The following SH3BP5L variants were observed in gnomAD, a reference collection of about 807,000 sequenced individuals.
The protein encoded by SH3BP5L is SH3 binding domain protein 5 like, also known as SH3 domain-binding protein 5-like.
SH3BP5L carries 16 observed loss-of-function variants against 40.9 expected under a neutral mutation model. That is an observed-to-expected ratio of 0.39 (90% CI 0.27 to 0.59). The LOEUF is 0.59. SH3BP5L is among the 20% of genes least tolerant of loss of function. SH3BP5L has a pLI of 0.53. For synonymous variants in SH3BP5L, 229 were observed against 226.7 expected (o/e 1.01, Z -0.09); for missense variants, 471 against 544.6 (o/e 0.86, Z 1.35).
At chr1:248,822,658 G>A (rs1316638908) in intron 2 of SH3BP5L, among the ~76,000 whole-genome samples, 3 of 150,906 alleles carry the variant, frequency 2.0e-5, no homozygotes, top group Non-Finnish European at 4.4e-5. Flanking sequence ...TAACATTGAG[G>A]AACTGCTTTT....
intron 4 of SH3BP5L, chr1:248,814,952 A>G (rs1224959158): frequency 1.0e-5 from 4 of 389,022 alleles, no homozygotes; most frequent in Non-Finnish European, 2.0e-5. Flanking sequence ...CTTACAGAAA[A>G]GATGACCTTG....
intron 2 of SH3BP5L, among the ~76,000 whole-genome samples, chr1:248,818,823 A>G (rs1484868602): frequency 6.6e-6 from 1 of 152,252 alleles, no homozygotes; most frequent in Non-Finnish European, 1.5e-5. Context: ...TTGTGCCAGG[A>G]AATACCTGGT....
At chr1:248,819,053 G>A (rs1003561844) in intron 2 of SH3BP5L, among the ~76,000 whole-genome samples, 9 of 152,266 alleles carry the variant, frequency 5.9e-5, no homozygotes, top group African/African-American at 2.2e-4. Context: ...AGGCTGACAT[G>A]CACAATCTTC....
Position 248,825,881 on chromosome 1 carries a change from T to TTGC in SH3BP5L, c.-479_-478insGCA. 1.1e-6 allele frequency: 1 copy of TTGC among 941,904 alleles called. No individual in the cohort carries two copies. The highest frequency in any genetic ancestry group is 1.3e-6 in the Non-Finnish European group (1 of 794,252). 58.3% of individuals were successfully genotyped at this position (941,904 alleles called of 1,614,324 possible). On this transcript the variant is annotated 5_prime_UTR_variant, in exon 1 of 7. Coordinates refer to ENST00000366472, the MANE Select transcript of SH3BP5L (RefSeq NM_030645.3). Reference sequence around the variant, plus strand: ...CGGAGCTTCTATGCTGCAAACAATCTCCCCCCCTCCCTCCCCGCAACAAGC... The same window carrying TTGC: ...CGGAGCTTCTATGCTGCAAACAATCTTGCCCCCCCCTCCCTCCCCGCAACAAGC...
At chr1:248,815,673 C>T (rs542149123) in intron 4 of SH3BP5L, among the ~76,000 whole-genome samples, 2 of 152,358 alleles carry the variant, frequency 1.3e-5, no homozygotes, top group South Asian at 4.1e-4. Context: ...GCCGATATTT[C>T]CTCTGCCCTA....
Position 248,812,003 on chromosome 1 carries a change from T to A in SH3BP5L, c.1079A>T (p.His360Leu). 6.2e-7 allele frequency: 1 copy of A among 1,609,670 alleles called. No homozygotes were observed. Among genetic ancestry groups the A allele is most frequent in the Non-Finnish European group, 8.5e-7 (1 of 1,178,714 alleles). The change falls in exon 7 of 7, where the codon CAC (histidine) becomes CTC (leucine). Residue 360 changes from histidine (H) to leucine (L), a missense_variant. His to Leu is a moderately conservative substitution (Grantham distance 99). Transcript: ENST00000366472. The surrounding 1 kb of genome is among the most constrained non-coding windows in gnomAD (Gnocchi z 6.1). The stretch of plus-strand genomic sequence containing the variant: ...CAGCTCTTGGCCGTCCAGACTGACG[T>A]GGTCCGAGAGGCCTCGCAAGTGCTC... Reference protein sequence around the residue: ...SVEHLRGLSDHVSLDGQELGT... With the variant: ...SVEHLRGLSDLVSLDGQELGT...
In SH3BP5L at chr1:248,812,097, C is replaced by T. The variant is rs1218436366; in HGVS notation, c.985G>A (p.Asp329Asn). ...CTCAGCAGACTCAGGGTATCGGTGT[C>T]GGGGGCGGGGCCGGGCCCCAGGCTG... is the stretch of plus-strand genomic sequence containing the variant. ...GSSLGPGPAP[D>N]TDTLSLLSLR... is the part of the protein sequence containing the mutation. The change falls in exon 7 of 7, where the codon GAC (aspartate) becomes AAC (asparagine). Residue 329 changes from aspartate (D) to asparagine (N), a missense_variant. Physicochemically the swap from Asp to Asn is conservative, Grantham distance 23. This residue lies in a region of SH3BP5L where 196 missense variants were observed against 174.6 expected (regional missense o/e 1.12). Coordinates refer to ENST00000366472, the MANE Select transcript of SH3BP5L (RefSeq NM_030645.3). This position sits in a 1 kb window ranked among gnomAD's most constrained non-coding sequence, Gnocchi z 6.1. 2 of 1,611,440 alleles carry T rather than the reference C, an allele frequency of 1.2e-6. No homozygotes were observed. Among genetic ancestry groups the T allele is most frequent in the East Asian group, 2.2e-5 (1 of 44,788 alleles).
At chr1:248,813,217 T>C (rs772176517) in intron 5 of SH3BP5L, 55 bp from the exon 6 acceptor site, 1 of 1,432,122 alleles carries the variant, frequency 7.0e-7, no homozygotes, top group Non-Finnish European at 9.2e-7. Context: ...CTCTGGCATC[T>C]GCCCCAGGCT....
intron 2 of SH3BP5L, among the ~76,000 whole-genome samples, chr1:248,818,276 G>C (rs1486232263): frequency 3.4e-4 from 51 of 151,926 alleles, no homozygotes; most frequent in Admixed American, 3.3e-3. Context: ...TGAACCCGGG[G>C]GGCAGGGATT....
rs765435746 is a variant in SH3BP5L at position 248,816,854 on chromosome 1, C to T, written c.214G>A (p.Glu72Lys). Residue 72 changes from glutamate (E) to lysine (K), a missense_variant, in exon 3 of 7, where the codon GAG (glutamate) becomes AAG (lysine). Glu to Lys is a moderately conservative substitution (Grantham distance 56). Transcript: ENST00000366472. The part of the protein sequence containing the change: ...EELEHLNQAS[E>K]EINQVELQLD... ...TGTAGTTCCACCTGGTTGATCTCCTCGCTGGCCTGGTTCAGGTGCTCCAAC... is the reference window on the plus strand; with the variant it reads ...TGTAGTTCCACCTGGTTGATCTCCTTGCTGGCCTGGTTCAGGTGCTCCAAC... 2.5e-6 allele frequency: 4 copies of T among 1,614,190 alleles called. No homozygotes were observed. Among genetic ancestry groups the T allele is most frequent in the South Asian group, 1.1e-5 (1 of 91,086 alleles).
In SH3BP5L at chr1:248,812,857, A is replaced by G. The variant is rs1484394720; in HGVS notation, c.711+132T>C. The G allele has an allele frequency of 1.4e-6, 1 of 733,850 alleles. No individual in the cohort carries two copies. Among genetic ancestry groups the G allele is most frequent in the Non-Finnish European group, 2.1e-6 (1 of 466,490 alleles). 45.5% of individuals were successfully genotyped at this position (733,850 alleles called of 1,614,324 possible). ...GGTCATTTGGAACATGTGTGCCACCACCCTTCCCCACCGCTAGCCGGAGGC... is the reference window on the plus strand; with the variant it reads ...GGTCATTTGGAACATGTGTGCCACCGCCCTTCCCCACCGCTAGCCGGAGGC... On this transcript the variant is annotated intron_variant, in intron 6 of 6. Coordinates refer to ENST00000366472, the MANE Select transcript of SH3BP5L (RefSeq NM_030645.3). This position sits in a 1 kb window ranked among gnomAD's most constrained non-coding sequence, Gnocchi z 6.1.
chr1:248,816,702 T>G, intron 3 of SH3BP5L, 40 bp from the exon 4 acceptor site: 1 of 1,613,612 alleles, frequency 6.2e-7, no homozygotes, highest in Non-Finnish European at 8.5e-7. Context: ...CATGTTTGGG[T>G]CCCAGCCCCT....
rs1308195838 is a variant in SH3BP5L, at chr1:248,825,295, C to T, written c.-360G>A. 16 of 1,024,344 alleles carry T rather than the reference C, an allele frequency of 1.6e-5. No homozygotes were observed. Among genetic ancestry groups the T allele is most frequent in the Non-Finnish European group, 1.9e-5 (16 of 854,466 alleles). The allele number at this position is 1,024,344 out of a possible 1,614,324, so 63.5% of individuals were successfully genotyped here. On this transcript the variant is annotated 5_prime_UTR_variant, in exon 2 of 7. Coordinates refer to ENST00000366472, the MANE Select transcript of SH3BP5L (RefSeq NM_030645.3). ...TCGGGAGGGTGGAGGCAGGCGCCTCCAGGCTGTGGTGGCAGCTGGAGAGAG... is the reference window on the plus strand; with the variant it reads ...TCGGGAGGGTGGAGGCAGGCGCCTCTAGGCTGTGGTGGCAGCTGGAGAGAG...
intron 4 of SH3BP5L, chr1:248,816,156 C>G (rs1664099404): frequency 5.4e-6 from 1 of 183,568 alleles, no homozygotes; most frequent in African/African-American, 2.3e-5. Flanking sequence ...GAGGAGTAAG[C>G]AAAGAAAAGA....
chr1:248,818,553 A>G lies in SH3BP5L; in HGVS notation c.184-1669T>C, dbSNP rs937854148. Among the ~76,000 whole-genome samples the G allele has an allele frequency of 3.9e-5, 6 of 152,196 alleles. No homozygotes were observed. In the South Asian group the frequency reaches 6.2e-4, roughly 16 times the overall value. On this transcript the variant is annotated intron_variant, in intron 2 of 6. Transcript: ENST00000366472. ...TGGGTGACCATGACCGCAGGTCCCTATAGAGCAGATCCTGTGGGAGGGAGG... is the reference window on the plus strand; with the variant it reads ...TGGGTGACCATGACCGCAGGTCCCTGTAGAGCAGATCCTGTGGGAGGGAGG...
chr1:248,817,744 T>C (rs942730104), intron 2 of SH3BP5L, among the ~76,000 whole-genome samples: 1 of 152,060 alleles, frequency 6.6e-6, no homozygotes, highest in Non-Finnish European at 1.5e-5. Context: ...TCCCAGCTAC[T>C]TGGGAGGCTG....
At position 248,824,960 on chromosome 1, in the gene SH3BP5L, T is replaced by A; in HGVS notation, c.-25A>T. 7 of 1,601,716 alleles carry A rather than the reference T, an allele frequency of 4.4e-6. No homozygotes were observed. Among genetic ancestry groups the A allele is most frequent in the Non-Finnish European group, 6.0e-6 (7 of 1,175,096 alleles). ...TGCTGACAGGGGGAGGGCAGAGCCC[T>A]ATGCACAAGAGAGGACTGACATGCT... On this transcript the variant is annotated 5_prime_UTR_variant, in exon 2 of 7. The change abolishes the stop of an existing upstream ORF in the 5' untranslated region. Transcript: ENST00000366472.
At chr1:248,824,510 A>C (rs578061899) in intron 2 of SH3BP5L, among the ~76,000 whole-genome samples, 7 of 152,296 alleles carry the variant, frequency 4.6e-5, no homozygotes, top group African/African-American at 1.4e-4. Flanking sequence ...CCTTCAGTGA[A>C]GCTTTCAGCA....
intron 5 of SH3BP5L, 100 bp from the exon 6 acceptor site, chr1:248,813,262 C>T: frequency 7.7e-7 from 1 of 1,294,708 alleles, no homozygotes; most frequent in Non-Finnish European, 1.0e-6. Context: ...GGAACCCAAA[C>T]AGGAACATCC....
Sources: allele counts gnomAD v4.1 joint callset (sites outside exome capture counted in the v4.1 genomes callset), GRCh38; gene constraint gnomAD v4.1.1; regional missense constraint gnomAD v4.1.1; non-coding constraint Gnocchi (gnomAD v3.1); transcripts MANE v1.5; gene names NCBI Gene and HGNC (gene_info 2026-07-23, HGNC 2026-07-21).